PSTPIP2: variants seen among roughly 807,000 people sequenced by gnomAD.
PSTPIP2 encodes the protein proline-serine-threonine phosphatase interacting protein 2.
In PSTPIP2, 33 loss-of-function variants were observed where a neutral mutation model predicts 63.3. The observed-to-expected ratio is 0.52, with a 90% CI of 0.40 to 0.70. The LOEUF (loss-of-function observed/expected upper bound fraction) is 0.70, where lower values mean the gene tolerates loss of function less well. Among genes scored for constraint, PSTPIP2 ranks in the 30% least tolerant of loss-of-function variants. The pLI, the probability that PSTPIP2 is intolerant of heterozygous loss-of-function variation, is 0.00. For missense variants in PSTPIP2, 312 were observed against 400.7 expected, an observed-to-expected ratio of 0.78 and a Z score of 1.89; for synonymous variants, 125 against 132.7, an observed-to-expected ratio of 0.94 and a Z score of 0.40.
rs573458438 is a variant in PSTPIP2 at position 46,023,619 on chromosome 18, AT to A, written c.212+989del. Among the ~76,000 whole-genome samples, 723 of 152,230 alleles carry A rather than the reference AT, an allele frequency of 4.7e-3. 8 individuals carry two copies. Among genetic ancestry groups the A allele is most frequent in the African/African-American group, 0.016 (653 of 41,566 alleles). ...TCCTATAGTTATCACAAACAAAAAA[AT>A]ATATGTATAATTTTCTATTTTATAT... is the stretch of plus-strand genomic sequence containing the variant. On this transcript the variant is annotated intron_variant, in intron 3 of 14. Coordinates refer to ENST00000409746, the MANE Select transcript of PSTPIP2 (RefSeq NM_024430.4).
chr18:46,038,684 AAGG>A (rs1430223876), intron 2 of PSTPIP2, among the ~76,000 whole-genome samples: 3 of 152,168 alleles, frequency 2.0e-5, no homozygotes, highest in Non-Finnish European at 4.4e-5. Context: ...TGCTCCCTTA[AAGG>A]AGGAGGAGCA....
At chr18:46,052,947 T>C (rs1020201019) in intron 1 of PSTPIP2, among the ~76,000 whole-genome samples, 1 of 152,186 alleles carries the variant, frequency 6.6e-6, no homozygotes, top group Non-Finnish European at 1.5e-5. Flanking sequence ...TCCATCTTTT[T>C]ACAAATGAAA....
intron 1 of PSTPIP2, among the ~76,000 whole-genome samples, chr18:46,059,659 A>G (rs1908919704): frequency 6.6e-6 from 1 of 152,248 alleles, no homozygotes; most frequent in Admixed American, 6.5e-5. Flanking sequence ...CAGAGAAAAC[A>G]ATAGTTGATA....
chr18:46,008,101 C>T (rs1272706152), intron 5 of PSTPIP2, among the ~76,000 whole-genome samples: 1 of 152,116 alleles, frequency 6.6e-6, no homozygotes, highest in Non-Finnish European at 1.5e-5. Context: ...CTGCTCAGAC[C>T]AAATCCAATG....
chr18:46,026,750 G>A (rs1388828945), intron 2 of PSTPIP2, among the ~76,000 whole-genome samples: 2 of 152,124 alleles, frequency 1.3e-5, no homozygotes, highest in Non-Finnish European at 2.9e-5. Flanking sequence ...AAACGGGTGT[G>A]GTGGTGCATA....
chr18:46,038,750 C>T (rs1032858979), intron 2 of PSTPIP2, among the ~76,000 whole-genome samples: 3 of 152,248 alleles, frequency 2.0e-5, no homozygotes, highest in Non-Finnish European at 4.4e-5. Context: ...GTTCACCCGT[C>T]CTCAGGCCTC....
chr18:46,072,019 C>T, intron 1 of PSTPIP2, 137 bp downstream of exon 1: 1 of 1,172,482 alleles, frequency 8.5e-7, no homozygotes, highest in Admixed American at 4.1e-5. Flanking sequence ...TCCCTTCACG[C>T]GCGAGCTCCG....
rs2051439752 is a variant in PSTPIP2, at chr18:45,983,704, T to C, written c.*1755A>G. The C allele has an allele frequency of 6.6e-6, 1 of 152,218 alleles. No homozygotes were observed. The highest frequency in any genetic ancestry group is 2.1e-4 in the South Asian group (1 of 4,828). The allele number at this position is 152,218 out of a possible 1,614,324, so 9.4% of individuals were successfully genotyped here. Reference sequence around the variant, plus strand: ...TAAATAATATACTTAAAATAGAATGTTCTGAGTGTAAAGGAACATTTCCTG... The same window carrying C: ...TAAATAATATACTTAAAATAGAATGCTCTGAGTGTAAAGGAACATTTCCTG... On this transcript the variant is annotated 3_prime_UTR_variant, in exon 15 of 15. Coordinates refer to ENST00000409746, the MANE Select transcript of PSTPIP2 (RefSeq NM_024430.4).
chr18:46,043,413 GAA>G (rs1332088509), intron 1 of PSTPIP2, among the ~76,000 whole-genome samples: 2 of 150,024 alleles, frequency 1.3e-5, no homozygotes, highest in Non-Finnish European at 3.0e-5. Context: ...AAAAAGAAAA[GAA>G]AAGAGGAATC....
At chr18:46,039,299 G>A (rs1026217903) in intron 2 of PSTPIP2, among the ~76,000 whole-genome samples, 5 of 151,942 alleles carry the variant, frequency 3.3e-5, no homozygotes, top group African/African-American at 1.2e-4. Flanking sequence ...TCTAAACCAT[G>A]CCAGTTCCCC....
At position 46,048,628 on chromosome 18, in the gene PSTPIP2, T is replaced by G. The variant is rs955023448; in HGVS notation, c.34-8581A>C. On this transcript the variant is annotated intron_variant, in intron 1 of 14. Coordinates refer to ENST00000409746, the MANE Select transcript of PSTPIP2 (RefSeq NM_024430.4). ...TCATCAGGAAACGGGCAAACTCAAA[T>G]CAGGGCACATTCTACAAAATAACTC... Among the ~76,000 whole-genome samples, 6 of 152,210 alleles carry G rather than the reference T, an allele frequency of 3.9e-5. No homozygotes were observed. In the East Asian group the frequency reaches 1.2e-3, roughly 29 times the overall value.
chr18:46,025,204 C>T (rs1162892425), intron 2 of PSTPIP2, among the ~76,000 whole-genome samples: 1 of 152,104 alleles, frequency 6.6e-6, no homozygotes, highest in African/African-American at 2.4e-5. Flanking sequence ...TTTTTGTCAC[C>T]ATCTCCACTT....
At chr18:45,987,822 G>A (rs1399507388) in intron 14 of PSTPIP2, among the ~76,000 whole-genome samples, 1 of 152,128 alleles carries the variant, frequency 6.6e-6, no homozygotes, top group Non-Finnish European at 1.5e-5. Context: ...AAGCACCTGA[G>A]TGCCTAAGAA....
rs1225536754 is a variant in PSTPIP2 at position 45,993,721 on chromosome 18, C to T, written c.643-18G>A. The T allele has an allele frequency of 5.0e-6, 8 of 1,599,918 alleles. No homozygotes were observed. Among genetic ancestry groups the T allele is most frequent in the African/African-American group, 1.3e-5 (1 of 74,620 alleles). ...TCAAATGCCTACAGAAAAATAGCTACGTGTACATAGATATGCAAGGAAAAG... is the reference window on the plus strand; with the variant it reads ...TCAAATGCCTACAGAAAAATAGCTATGTGTACATAGATATGCAAGGAAAAG... On this transcript the variant is annotated intron_variant, in intron 9 of 14. Coordinates refer to ENST00000409746, the MANE Select transcript of PSTPIP2 (RefSeq NM_024430.4).
chr18:46,061,205 G>A (rs1908980622), intron 1 of PSTPIP2, among the ~76,000 whole-genome samples: 1 of 151,960 alleles, frequency 6.6e-6, no homozygotes, highest in Non-Finnish European at 1.5e-5. Flanking sequence ...TCAGGAGGCT[G>A]AGGCAGGAGA....
chr18:46,004,591 G>C (rs2051704656), intron 6 of PSTPIP2, among the ~76,000 whole-genome samples: 2 of 152,146 alleles, frequency 1.3e-5, no homozygotes, highest in Admixed American at 1.3e-4. Flanking sequence ...ATAAGATAAA[G>C]GGTATTGTAC....
chr18:46,005,646 C>T, intron 5 of PSTPIP2, 115 bp from the exon 6 acceptor site: 1 of 789,596 alleles, frequency 1.3e-6, no homozygotes, highest in Non-Finnish European at 2.0e-6. Context: ...TGATTACCCA[C>T]ATTTCACAAT....
chr18:46,011,211 G>A lies in PSTPIP2; in HGVS notation c.324C>T (p.Phe108=). The change falls in exon 5 of 15, where the codon TTC becomes TTT. Residue 108 remains phenylalanine, a synonymous_variant. Transcript: ENST00000409746. ...TTCGTTGTAGTTTTTGCTTTTCCCT[G>A]AATTCTTCCATCTTCCTGGCCTCTT... ...LREEARKMEE[F]REKQKLQRKK... is the part of the protein sequence containing the mutation. The A allele has an allele frequency of 6.2e-7, 1 of 1,613,830 alleles. No individual in the cohort carries two copies. The highest frequency in any genetic ancestry group is 2.2e-5 in the East Asian group (1 of 44,872).
At chr18:45,992,294 G>T in intron 10 of PSTPIP2, 92 bp from the exon 11 acceptor site, 2 of 1,069,808 alleles carry the variant, frequency 1.9e-6, no homozygotes, top group Non-Finnish European at 2.8e-6. Flanking sequence ...GGGGCGCAGT[G>T]GCTCATGTCT....
Sources: gnomAD v4.1 joint callset for allele counts (sites outside exome capture counted in the v4.1 genomes callset) on GRCh38, gnomAD v4.1.1 for gene constraint, MANE v1.5 for transcripts, NCBI Gene and HGNC (gene_info 2026-07-23, HGNC 2026-07-21) for gene names.